XRCC5: variants seen among roughly 807,000 people sequenced by gnomAD.
XRCC5 encodes X-ray repair cross complementing 5.
In XRCC5, 12 loss-of-function variants were observed where a neutral mutation model predicts 95.7. The observed-to-expected ratio is 0.13, with a 90% CI of 0.08 to 0.20. The LOEUF is 0.20. XRCC5 is among the 10% of genes least tolerant of loss of function. The pLI, the probability that XRCC5 is intolerant of heterozygous loss-of-function variation, is 1.00. For synonymous variants in XRCC5, 281 were observed against 290.3 expected (o/e 0.97, Z 0.33); for missense variants, 595 against 873.9 (o/e 0.68, Z 4.02).
At chr2:216,120,132 A>C (rs1049975051) in intron 5 of XRCC5, among the ~76,000 whole-genome samples, 4 of 152,218 alleles carry the variant, frequency 2.6e-5, no homozygotes, top group Non-Finnish European at 5.9e-5. Flanking sequence ...AAGAGTTCAG[A>C]ATAACCCATC....
At chr2:216,153,720 G>A (rs1169823723) in intron 14 of XRCC5, among the ~76,000 whole-genome samples, 4 of 152,232 alleles carry the variant, frequency 2.6e-5, no homozygotes, top group Non-Finnish European at 5.9e-5. Flanking sequence ...AAGGATTTAA[G>A]TGTAGGCAGT....
intron 16 of XRCC5, among the ~76,000 whole-genome samples, chr2:216,188,376 A>G (rs970781704): frequency 3.3e-5 from 5 of 152,336 alleles, no homozygotes; most frequent in Middle Eastern, 3.4e-3. Flanking sequence ...CAAACTCCTC[A>G]AAGGCAAGGG....
chr2:216,146,549 C>T (rs775085146), intron 13 of XRCC5, among the ~76,000 whole-genome samples: 5 of 150,560 alleles, frequency 3.3e-5, no homozygotes, highest in Non-Finnish European at 7.4e-5. Flanking sequence ...AATAGTTATA[C>T]CTTAATTTTG....
intron 13 of XRCC5, among the ~76,000 whole-genome samples, chr2:216,147,044 AAAT>A (rs2106018376): frequency 6.7e-6 from 1 of 150,118 alleles, no homozygotes; most frequent in East Asian, 2.0e-4. Flanking sequence ...AGCCTATAAA[AAAT>A]ATAAAATAAG....
intron 3 of XRCC5, chr2:216,117,132 T>C: frequency 2.8e-6 from 1 of 359,404 alleles, no homozygotes; most frequent in Non-Finnish European, 5.1e-6. Context: ...GAGCATTGAC[T>C]ATATGCAGAG....
At chr2:216,164,767 A>G (rs918123562) in intron 16 of XRCC5, among the ~76,000 whole-genome samples, 2 of 152,200 alleles carry the variant, frequency 1.3e-5, no homozygotes, top group Non-Finnish European at 2.9e-5. Flanking sequence ...CAAATTACTC[A>G]GTGTCAGTAC....
At chr2:216,121,953 A>G in intron 5 of XRCC5, 109 bp from the exon 6 acceptor site, 1 of 1,002,366 alleles carries the variant, frequency 1.0e-6, no homozygotes, top group Non-Finnish European at 1.4e-6. Flanking sequence ...CGTTTGACAG[A>G]TGAGAAATTT....
At chr2:216,171,682 A>G (rs915566780) in intron 16 of XRCC5, among the ~76,000 whole-genome samples, 1 of 152,142 alleles carries the variant, frequency 6.6e-6, no homozygotes, top group African/African-American at 2.4e-5. Context: ...TATAAGAACT[A>G]CTTTTTTACA....
chr2:216,146,802 C>T (rs527971626), intron 13 of XRCC5, among the ~76,000 whole-genome samples: 6 of 152,236 alleles, frequency 3.9e-5, no homozygotes, highest in South Asian at 2.1e-4. Flanking sequence ...TTGATCTTGG[C>T]GCCCCTCCCC....
rs1023872969 is a variant in XRCC5, at chr2:216,109,351, A to G, written c.-86A>G. 1 of 1,603,988 alleles carries G rather than the reference A, an allele frequency of 6.2e-7. No individual in the cohort carries two copies. The highest frequency in any genetic ancestry group is 8.5e-7 in the Non-Finnish European group (1 of 1,175,122). On this transcript the variant is annotated 5_prime_UTR_variant, in exon 1 of 21. Coordinates refer to ENST00000392132, the MANE Select transcript of XRCC5 (RefSeq NM_021141.4). ...AGGAAACGAAGCGGCTCTTTCCGCT[A>G]TCTGCCGCTTGTCCACCGGAAGCGA...
At chr2:216,118,800 C>T (rs538305370) in intron 4 of XRCC5, among the ~76,000 whole-genome samples, 4 of 152,172 alleles carry the variant, frequency 2.6e-5, no homozygotes, top group Non-Finnish European at 4.4e-5. Flanking sequence ...CATTTGAGTT[C>T]GGAATCCAGA....
Position 216,109,477 on chromosome 2 carries a change from C to G in XRCC5, c.21+20C>G, listed in dbSNP as rs1465003923. The G allele has an allele frequency of 1.2e-6, 2 of 1,613,744 alleles. No individual in the cohort carries two copies. The highest frequency in any genetic ancestry group is 1.7e-6 in the Non-Finnish European group (2 of 1,179,800). ...AATAAGGTATAAAGAAAGCCATGGA[C>G]TTGGGCTTTACCCGGACTGGGGATC... On this transcript the variant is annotated intron_variant, in intron 1 of 20. Coordinates refer to ENST00000392132, the MANE Select transcript of XRCC5 (RefSeq NM_021141.4).
chr2:216,147,654 A>T (rs968023108), intron 13 of XRCC5, among the ~76,000 whole-genome samples: 1 of 152,170 alleles, frequency 6.6e-6, no homozygotes, highest in Non-Finnish European at 1.5e-5. Context: ...TGTTTCATCC[A>T]CCACATGGCA....
intron 16 of XRCC5, among the ~76,000 whole-genome samples, chr2:216,187,274 T>G (rs1371031407): frequency 1.3e-5 from 2 of 151,658 alleles, no homozygotes; most frequent in Non-Finnish European, 2.9e-5. Flanking sequence ...TAAATCCACA[T>G]AGGCCCACAG....
chr2:216,116,224 C>G (rs1696693047), intron 2 of XRCC5, among the ~76,000 whole-genome samples: 1 of 152,060 alleles, frequency 6.6e-6, no homozygotes, highest in African/African-American at 2.4e-5. Context: ...CTAGGGTATA[C>G]TGTATATGCC....
rs1688839497 is a variant in XRCC5 at position 216,156,207 on chromosome 2, G to A, written c.1671-3861G>A. On this transcript the variant is annotated intron_variant, in intron 14 of 20. Coordinates refer to ENST00000392132, the MANE Select transcript of XRCC5 (RefSeq NM_021141.4). ...AGAACATTTGTATATCCTTCCATAT[G>A]AGTCCTTGTGATTCGTTGAGGCCAT... 4 of 422,116 alleles carry A rather than the reference G, an allele frequency of 9.5e-6. No individual in the cohort carries two copies. The Admixed American group carries it at 9.6e-5, about 10-fold the overall frequency. 26.1% of individuals were successfully genotyped at this position (422,116 alleles called of 1,614,324 possible). A position where few individuals can be genotyped will look rare whatever the true frequency, so the allele number is the denominator to read the frequency against.
chr2:216,134,970 TC>T (rs1323378660), intron 10 of XRCC5, among the ~76,000 whole-genome samples: 3 of 152,194 alleles, frequency 2.0e-5, no homozygotes, highest in African/African-American at 7.2e-5. Context: ...TTCACAGGGC[TC>T]AAGACAGTGC....
At chr2:216,132,194 G>A (rs1278667605) in intron 9 of XRCC5, 131 bp from the exon 10 acceptor site, 1 of 770,006 alleles carries the variant, frequency 1.3e-6, no homozygotes, top group African/African-American at 1.7e-5. Flanking sequence ...TAAACTTCAG[G>A]TAATAAGGTG....
At chr2:216,137,404 G>C (rs1697102207) in intron 11 of XRCC5, among the ~76,000 whole-genome samples, 179 bp downstream of exon 11, 1 of 152,096 alleles carries the variant, frequency 6.6e-6, no homozygotes, top group Non-Finnish European at 1.5e-5. Context: ...GCTGATACTG[G>C]TCTGTGAACC....
Sources: gnomAD v4.1 joint callset for allele counts (sites outside exome capture counted in the v4.1 genomes callset) on GRCh38, gnomAD v4.1.1 for gene constraint, MANE v1.5 for transcripts, NCBI Gene and HGNC (gene_info 2026-07-23, HGNC 2026-07-21) for gene names.